Variants in SLC39A11 observed in about 807,000 individuals in gnomAD.
SLC39A11 encodes zinc transporter ZIP11.
Under a neutral mutation model 36.1 loss-of-function variants are expected in SLC39A11, and 33 were observed. The observed-to-expected ratio is 0.91, with a 90% CI of 0.69 to 1.22. The LOEUF (loss-of-function observed/expected upper bound fraction) is 1.22, where lower values mean the gene tolerates loss of function less well. Among genes scored for constraint, SLC39A11 ranks in the 50% most tolerant of loss-of-function variants. SLC39A11 has a pLI of 0.00. For synonymous variants in SLC39A11, 166 were observed against 170.3 expected (o/e 0.97, Z 0.20); for missense variants, 432 against 430.3 (o/e 1.00, Z -0.03).
chr17:72,803,326 G>T (rs997879457), intron 6 of SLC39A11, among the ~76,000 whole-genome samples: 1 of 152,232 alleles, frequency 6.6e-6, no homozygotes, highest in Non-Finnish European at 1.5e-5. Flanking sequence ...CTTGGTAAAT[G>T]ACCCCAAAGG....
At chr17:72,920,688 T>TC (rs2083610359) in intron 5 of SLC39A11, among the ~76,000 whole-genome samples, 1 of 56,070 alleles carries the variant, frequency 1.8e-5, no homozygotes, top group Admixed American at 2.7e-4. Context: ...TCTCACCCCC[T>TC]TACAACACCT....
chr17:72,750,851 ACGG>A (rs2075128345), intron 6 of SLC39A11, among the ~76,000 whole-genome samples: 5 of 152,022 alleles, frequency 3.3e-5, no homozygotes, highest in Admixed American at 2.0e-4. Flanking sequence ...CAGGTGTCAG[ACGG>A]CAGCCTGTCA....
chr17:72,959,385 G>A (rs2086470576), intron 4 of SLC39A11, among the ~76,000 whole-genome samples: 1 of 133,744 alleles, frequency 7.5e-6, no homozygotes, highest in Non-Finnish European at 1.6e-5. Flanking sequence ...ACTACACTCA[G>A]CCATAAGAAT....
At chr17:72,834,443 G>A (rs776964419) in intron 6 of SLC39A11, among the ~76,000 whole-genome samples, 5 of 152,120 alleles carry the variant, frequency 3.3e-5, no homozygotes, top group Non-Finnish European at 7.3e-5. Context: ...CCAATATGGT[G>A]AAACCCCATC....
At chr17:72,849,977 C>T (rs4436821) in intron 5 of SLC39A11, among the ~76,000 whole-genome samples, 173 bp from the exon 6 acceptor site, 79,149 of 151,502 alleles carry the variant, frequency 0.52, 21,154 homozygotes, top group Middle Eastern at 0.58. Context: ...CACTGCAGCC[C>T]CAACTTCCCG....
intron 5 of SLC39A11, among the ~76,000 whole-genome samples, chr17:72,852,348 C>G (rs190847124): frequency 1.3e-3 from 196 of 152,128 alleles, no homozygotes; most frequent in African/African-American, 4.4e-3. Context: ...AATCATTTCT[C>G]TCTTACTAAC....
In SLC39A11 at chr17:72,956,046, A is replaced by G. The variant is rs73347571; in HGVS notation, c.307-8171T>C. On this transcript the variant is annotated intron_variant, in intron 4 of 9. Transcript: ENST00000255559. The stretch of plus-strand genomic sequence containing the variant: ...ATCTCCATCCTCCTTTCTGGCATAA[A>G]TAGTCAGAGTGGGACAGCCTAGCTC... 4.5e-3 allele frequency among the ~76,000 whole-genome samples: 678 copies of G among 152,178 alleles called. 11 individuals carry two copies. Among genetic ancestry groups the G allele is most frequent in the African/African-American group, 0.015 (622 of 41,506 alleles).
intron 5 of SLC39A11, among the ~76,000 whole-genome samples, chr17:72,851,616 A>G (rs1224606366): frequency 2.0e-5 from 3 of 152,196 alleles, no homozygotes; most frequent in Non-Finnish European, 4.4e-5. Flanking sequence ...AGGAGTATAT[A>G]TTTTTTGTAA....
intron 3 of SLC39A11, among the ~76,000 whole-genome samples, chr17:73,075,570 AG>A (rs1223538561): frequency 6.6e-6 from 1 of 152,118 alleles, no homozygotes; most frequent in African/African-American, 2.4e-5. Flanking sequence ...CCTGGATATG[AG>A]GCCGGGCGCA....
At chr17:72,814,136 A>G (rs2077512794) in intron 6 of SLC39A11, among the ~76,000 whole-genome samples, 1 of 152,136 alleles carries the variant, frequency 6.6e-6, no homozygotes, top group Non-Finnish European at 1.5e-5. Context: ...ATTACACACC[A>G]TTTCCTCAGT....
At chr17:72,768,906 G>A (rs1364865653) in intron 6 of SLC39A11, among the ~76,000 whole-genome samples, 4 of 151,890 alleles carry the variant, frequency 2.6e-5, no homozygotes, top group African/African-American at 7.3e-5. Context: ...GACTATAGGC[G>A]CCCGCCACCA....
At chr17:73,068,652 G>T (rs2060070608) in intron 3 of SLC39A11, among the ~76,000 whole-genome samples, 1 of 152,126 alleles carries the variant, frequency 6.6e-6, no homozygotes, top group Non-Finnish European at 1.5e-5. Flanking sequence ...TTGTAAGCTT[G>T]AACAGCTTTG....
chr17:73,075,992 G>A (rs537977240), intron 3 of SLC39A11, among the ~76,000 whole-genome samples: 5 of 152,336 alleles, frequency 3.3e-5, no homozygotes, highest in Admixed American at 2.0e-4. Flanking sequence ...GATCTAGGTA[G>A]AGTGTTTGGC....
intron 5 of SLC39A11, among the ~76,000 whole-genome samples, chr17:72,941,557 T>TG (rs751677319): frequency 0.069 from 10 of 144 alleles, no homozygotes; most frequent in East Asian, 0.25. Flanking sequence ...CAGGACTGTG[T>TG]TTTTTTTTTT....
intron 4 of SLC39A11, among the ~76,000 whole-genome samples, chr17:72,980,415 T>C (rs2088211259): frequency 6.6e-6 from 1 of 152,124 alleles, no homozygotes; most frequent in Admixed American, 6.5e-5. Flanking sequence ...CCTGGATAGA[T>C]GGAGTGGTGA....
intron 5 of SLC39A11, among the ~76,000 whole-genome samples, chr17:72,853,682 T>C (rs2079490559): frequency 6.6e-6 from 1 of 152,168 alleles, no homozygotes; most frequent in Non-Finnish European, 1.5e-5. Context: ...ATGCCTCACG[T>C]CCTTGTGAAA....
At chr17:72,822,367 GGA>G (rs2077829922) in intron 6 of SLC39A11, among the ~76,000 whole-genome samples, 1 of 148,310 alleles carries the variant, frequency 6.7e-6, no homozygotes. Flanking sequence ...AGAGAGAGAG[GGA>G]GAGAGATCTA....
intron 3 of SLC39A11, among the ~76,000 whole-genome samples, chr17:73,037,615 C>T (rs1043071088): frequency 6.6e-6 from 1 of 152,220 alleles, no homozygotes; most frequent in African/African-American, 2.4e-5. Context: ...AGTGGGCTAA[C>T]AGGGCCATCG....
intron 6 of SLC39A11, among the ~76,000 whole-genome samples, chr17:72,802,301 T>C (rs1326916492): frequency 6.6e-6 from 1 of 151,996 alleles, no homozygotes; most frequent in Non-Finnish European, 1.5e-5. Flanking sequence ...TTGAAAATCA[T>C]ATGGGTGGCC....
Sources: allele counts gnomAD v4.1 joint callset (sites outside exome capture counted in the v4.1 genomes callset), GRCh38; gene constraint gnomAD v4.1.1; transcripts MANE v1.5; gene names NCBI Gene and HGNC (gene_info 2026-07-23, HGNC 2026-07-21).